The following XIAP variants were observed in gnomAD, a reference collection of about 807,000 sequenced individuals.
XIAP encodes the protein X-linked inhibitor of apoptosis.
Under a neutral mutation model 33.1 loss-of-function variants are expected in XIAP, and 3 were observed. The observed-to-expected ratio is 0.09, with a 90% CI of 0.04 to 0.23. XIAP has a LOEUF of 0.23. XIAP is among the 10% of genes least tolerant of loss of function. The pLI, the probability that XIAP is intolerant of heterozygous loss-of-function variation, is 1.00. For missense variants in XIAP, 264 were observed against 363.0 expected (o/e 0.73, Z 2.22); for synonymous variants, 98 against 121.3 (o/e 0.81, Z 1.26).
chrX:123,889,079 C>A (rs1410149951), intron 3 of XIAP, among the ~76,000 whole-genome samples: 2 of 102,258 alleles, frequency 2.0e-5, no homozygotes, highest in Non-Finnish European at 4.0e-5. Context: ...CCACTGCCAC[C>A]ATGCCTGGCT....
In XIAP at chrX:123,867,804, G is replaced by T. The variant is rs140858282; in HGVS notation, c.-33+7511G>T. Among the ~76,000 whole-genome samples, 332 of 107,357 alleles carry T rather than the reference G, an allele frequency of 3.1e-3. 3 individuals are homozygous for T. The highest frequency in any genetic ancestry group is 0.011 in the African/African-American group (321 of 29,328). 93.2% of individuals were successfully genotyped at this position (107,357 alleles called of 115,157 possible). A position where few individuals can be genotyped will look rare whatever the true frequency, so the allele number is the denominator to read the frequency against. On this transcript the variant is annotated intron_variant, in intron 1 of 6. Coordinates refer to ENST00000371199, the MANE Select transcript of XIAP (RefSeq NM_001167.4). The stretch of plus-strand genomic sequence containing the variant: ...TTCTCCTGCCTCAGCCTCCCAAGTA[G>T]CTGGGATTACAGGCGCACGCACAAC...
chrX:123,912,867 G>C lies in XIAP; in HGVS notation c.*5686G>C. The C allele has an allele frequency of 3.1e-6, 1 of 327,325 alleles. No individual in the cohort carries two copies. The highest frequency in any genetic ancestry group is 5.9e-6 in the Non-Finnish European group (1 of 169,246). 27.0% of individuals were successfully genotyped at this position (327,325 alleles called of 1,213,427 possible). A position where few individuals can be genotyped will look rare whatever the true frequency, so the allele number is the denominator to read the frequency against. ...GACAGGGTTTCACCATGTTGGCCAG[G>C]CTAGTCTTGAATTTCTGACCTCAAG... On this transcript the variant is annotated 3_prime_UTR_variant, in exon 7 of 7. Transcript: ENST00000371199.
intron 1 of XIAP, among the ~76,000 whole-genome samples, chrX:123,882,974 T>A (rs932532584): frequency 7.2e-5 from 8 of 111,109 alleles, no homozygotes; most frequent in Non-Finnish European, 1.3e-4. Flanking sequence ...TATTTTTTTT[T>A]AGTAGAGACG....
rs1273985586 is a variant in XIAP, at chrX:123,860,267, G to A, written c.-59G>A. 1 of 330,039 alleles carries A rather than the reference G, an allele frequency of 3.0e-6. No homozygotes were observed. The highest frequency in any genetic ancestry group is 5.9e-6 in the Non-Finnish European group (1 of 170,081). The allele number at this position is 330,039 out of a possible 1,213,427, so 27.2% of individuals were successfully genotyped here. On this transcript the variant is annotated 5_prime_UTR_variant, in exon 1 of 7. Transcript: ENST00000371199. ...CTTGGACCGAGCCGATCGCCGCGGG[G>A]CAGTTCGGGCCGGCTGTCCTGGCGC...
In XIAP at chrX:123,910,012, G is replaced by C. The variant is rs1412355681; in HGVS notation, c.*2831G>C. Reference sequence around the variant, plus strand: ...TCTACATGTAGACTATTCCTTTTCTGTATAAAGTTCACTCTAGGATTTCAA... The same window carrying C: ...TCTACATGTAGACTATTCCTTTTCTCTATAAAGTTCACTCTAGGATTTCAA... On this transcript the variant is annotated 3_prime_UTR_variant, in exon 7 of 7. Coordinates refer to ENST00000371199, the MANE Select transcript of XIAP (RefSeq NM_001167.4). The C allele has an allele frequency of 3.0e-6, 1 of 329,043 alleles. No homozygotes were observed. The highest frequency in any genetic ancestry group is 2.6e-5 in the South Asian group (1 of 38,324). The allele number at this position is 329,043 out of a possible 1,213,427, so 27.1% of individuals were successfully genotyped here. A position where few individuals can be genotyped will look rare whatever the true frequency, so the allele number is the denominator to read the frequency against.
At chrX:123,897,148 G>A (rs1485659134) in intron 5 of XIAP, among the ~76,000 whole-genome samples, 4 of 107,766 alleles carry the variant, frequency 3.7e-5, no homozygotes, top group South Asian at 4.0e-4. Flanking sequence ...GGCTCGTCTC[G>A]AACTCCTGAC....
Position 123,908,141 on chromosome X carries a change from C to T in XIAP, c.*960C>T, listed in dbSNP as rs946509408. 8.2e-6 allele frequency: 3 copies of T among 364,683 alleles called. No individual in the cohort carries two copies. The highest frequency in any genetic ancestry group is 1.6e-5 in the Non-Finnish European group (3 of 191,079). The allele number at this position is 364,683 out of a possible 1,213,427, so 30.1% of individuals were successfully genotyped here. A position where few individuals can be genotyped will look rare whatever the true frequency, so the allele number is the denominator to read the frequency against. ...TTCAAACGCCTGCAAAACTACTTAT[C>T]ACTCAGCTTTAGTTTTTCTAATCCA... On this transcript the variant is annotated 3_prime_UTR_variant, in exon 7 of 7. Transcript: ENST00000371199.
In XIAP at chrX:123,905,223, C is replaced by T. The variant is rs369933166; in HGVS notation, c.1301-1765C>T. Among the ~76,000 whole-genome samples, 8 of 111,659 alleles carry T rather than the reference C, an allele frequency of 7.2e-5. No individual in the cohort carries two copies. In the East Asian group the frequency reaches 1.7e-3, roughly 24 times the overall value. On this transcript the variant is annotated intron_variant, in intron 6 of 6. Coordinates refer to ENST00000371199, the MANE Select transcript of XIAP (RefSeq NM_001167.4). ...TTGGGATCAAGTCCAAACTCCTTTA[C>T]GTGGCTCGCCTAATCTTTCATGATC...
intron 1 of XIAP, among the ~76,000 whole-genome samples, chrX:123,873,148 C>T (rs2053210240): frequency 9.2e-6 from 1 of 108,950 alleles, no homozygotes; most frequent in South Asian, 4.0e-4. Context: ...TCTCTTGCCT[C>T]AGCCTTCCTG....
intron 6 of XIAP, among the ~76,000 whole-genome samples, chrX:123,903,143 C>T (rs1332167733): frequency 1.9e-5 from 2 of 106,598 alleles, no homozygotes; most frequent in Non-Finnish European, 3.8e-5. Flanking sequence ...GTATCACAAA[C>T]AATCAGAACC....
chrX:123,874,431 A>C (rs2053223171), intron 1 of XIAP: 1 of 111,631 alleles, frequency 9.0e-6, no homozygotes, highest in African/African-American at 3.3e-5. Flanking sequence ...TTTTGTAACC[A>C]GCTTTTTCCA....
chrX:123,861,034 G>A (rs1338302158), intron 1 of XIAP, among the ~76,000 whole-genome samples: 3 of 111,800 alleles, frequency 2.7e-5, no homozygotes, highest in Non-Finnish European at 5.6e-5. Flanking sequence ...ACTGGAGGTT[G>A]CAGTAGTGTT....
intron 6 of XIAP, among the ~76,000 whole-genome samples, chrX:123,905,279 A>G (rs1010811768): frequency 4.5e-5 from 5 of 110,770 alleles, no homozygotes; most frequent in African/African-American, 1.3e-4. Flanking sequence ...ATCTCATGCT[A>G]TTTTCTCAAA....
intron 2 of XIAP, among the ~76,000 whole-genome samples, chrX:123,887,711 C>T (rs1447135986): frequency 9.0e-6 from 1 of 111,226 alleles, no homozygotes; most frequent in Non-Finnish European, 1.9e-5. Flanking sequence ...TGGCCGGGCG[C>T]GGTGGCTCCC....
chrX:123,871,292 A>G (rs1163029691), intron 1 of XIAP, among the ~76,000 whole-genome samples: 1 of 110,438 alleles, frequency 9.1e-6, no homozygotes, highest in Non-Finnish European at 1.9e-5. Flanking sequence ...AAAAAAAAGA[A>G]TACTTCGTTC....
intron 1 of XIAP, among the ~76,000 whole-genome samples, chrX:123,861,585 AGAC>A (rs1225462837): frequency 1.2e-4 from 13 of 112,015 alleles, no homozygotes; most frequent in African/African-American, 4.2e-4. Context: ...GAGAGATAGA[AGAC>A]TTTTTACTTT....
At chrX:123,882,821 C>T in intron 1 of XIAP, among the ~76,000 whole-genome samples, 1 of 112,627 alleles carries the variant, frequency 8.9e-6, no homozygotes, top group South Asian at 3.6e-4. Context: ...CTCTGTCGCC[C>T]AGGCTGGGGT....
chrX:123,869,579 A>T (rs2053175787), intron 1 of XIAP, among the ~76,000 whole-genome samples: 1 of 110,050 alleles, frequency 9.1e-6, no homozygotes, highest in Admixed American at 9.9e-5. Flanking sequence ...TTACCATGTG[A>T]CTTAACCTTT....
At chrX:123,883,685 A>G (rs1403747101) in intron 1 of XIAP, among the ~76,000 whole-genome samples, 3 of 108,440 alleles carry the variant, frequency 2.8e-5, no homozygotes, top group African/African-American at 1.0e-4. Flanking sequence ...TAGTAGAGAC[A>G]GGGTTTCTCC....
Sources: allele counts gnomAD v4.1 joint callset (sites outside exome capture counted in the v4.1 genomes callset), GRCh38; gene constraint gnomAD v4.1.1; transcripts MANE v1.5; gene names NCBI Gene and HGNC (gene_info 2026-07-23, HGNC 2026-07-21).